The following EVA1C variants were observed in gnomAD, a reference collection of about 807,000 sequenced individuals.
EVA1C encodes eva-1 homolog C.
In EVA1C, 25 loss-of-function variants were observed where a neutral mutation model predicts 45.4. The ratio of observed to expected loss-of-function variants is 0.55; its 90% CI spans 0.40 to 0.77. The LOEUF (loss-of-function observed/expected upper bound fraction) is 0.77. Among genes scored for constraint, EVA1C ranks in the 30% least tolerant of loss-of-function variants. EVA1C has a pLI of 0.00. For missense variants in EVA1C, 479 were observed against 554.8 expected (o/e 0.86, Z 1.37); for synonymous variants, 190 against 221.2 (o/e 0.86, Z 1.25).
At chr21:32,504,320 C>T (rs781619560) in intron 7 of EVA1C, among the ~76,000 whole-genome samples, 2 of 152,124 alleles carry the variant, frequency 1.3e-5, no homozygotes, top group Non-Finnish European at 2.9e-5. Flanking sequence ...CTCTAAAATT[C>T]GGGAAGGAAC....
Position 32,514,919 on chromosome 21 carries a change from G to C in EVA1C, c.1055G>C (p.Arg352Pro), listed in dbSNP as rs756215760. ...AGAGAGTCCTGTGCCAAGGACTTCCGCGACTTGCAGCTGGGGAGGGAGCAG... is the reference window on the plus strand; with the variant it reads ...AGAGAGTCCTGTGCCAAGGACTTCCCCGACTTGCAGCTGGGGAGGGAGCAG... The part of the protein sequence containing the change: ...VIRESCAKDF[R>P]DLQLGREQLV... The change falls in exon 8 of 8, where the codon CGC becomes CCC. Residue 352 changes from arginine to proline, a missense_variant. By Grantham distance (103) the Arg-to-Pro change is moderately radical. Coordinates refer to ENST00000300255, the MANE Select transcript of EVA1C (RefSeq NM_058187.5). 1 of 1,614,122 alleles carries C rather than the reference G, an allele frequency of 6.2e-7. No homozygotes were observed. The highest frequency in any genetic ancestry group is 2.2e-5 in the East Asian group (1 of 44,886).
intron 4 of EVA1C, among the ~76,000 whole-genome samples, chr21:32,475,028 G>A (rs2036505327): frequency 6.6e-6 from 1 of 152,182 alleles, no homozygotes; most frequent in South Asian, 2.1e-4. Context: ...CTAGAAGCTG[G>A]CAGGAGTTTG....
chr21:32,414,846 T>C (rs1465798410), intron 1 of EVA1C, among the ~76,000 whole-genome samples: 1 of 152,152 alleles, frequency 6.6e-6, no homozygotes, highest in African/African-American at 2.4e-5. Flanking sequence ...TCCAGAGATC[T>C]GAAGATTAGG....
At chr21:32,434,725 TG>T (rs1346103273) in intron 1 of EVA1C, among the ~76,000 whole-genome samples, 2 of 152,268 alleles carry the variant, frequency 1.3e-5, no homozygotes, top group African/African-American at 4.8e-5. Context: ...GGACTTATGC[TG>T]CCACAAGCTA....
At chr21:32,486,695 A>G in intron 4 of EVA1C, among the ~76,000 whole-genome samples, 1 of 152,214 alleles carries the variant, frequency 6.6e-6, no homozygotes, top group East Asian at 1.9e-4. Flanking sequence ...TATATTTGAC[A>G]TACTCAAAAT....
At chr21:32,477,475 C>T (rs7275938) in intron 4 of EVA1C, among the ~76,000 whole-genome samples, 165 of 152,214 alleles carry the variant, frequency 1.1e-3, no homozygotes, top group African/African-American at 3.7e-3. Context: ...CTTGCTCAGT[C>T]TCACGGGGTT....
At chr21:32,448,679 C>T (rs756909692) in intron 1 of EVA1C, among the ~76,000 whole-genome samples, 13 of 152,100 alleles carry the variant, frequency 8.5e-5, no homozygotes, top group South Asian at 2.1e-4. Flanking sequence ...GAGGCTGAGG[C>T]GGGCAGATCA....
chr21:32,423,019 C>T (rs2034342274), intron 1 of EVA1C, among the ~76,000 whole-genome samples: 1 of 124,976 alleles, frequency 8.0e-6, no homozygotes, highest in East Asian at 2.5e-4. Flanking sequence ...TGCAGTGAGC[C>T]AAGATCATGC....
chr21:32,481,792 C>T (rs1187404015), intron 4 of EVA1C, among the ~76,000 whole-genome samples: 1 of 151,974 alleles, frequency 6.6e-6, no homozygotes, highest in Non-Finnish European at 1.5e-5. Context: ...AATAAAACAC[C>T]TTTTTTCAAC....
intron 7 of EVA1C, among the ~76,000 whole-genome samples, chr21:32,512,525 T>C (rs932074283): frequency 2.6e-5 from 4 of 152,134 alleles, no homozygotes; most frequent in Non-Finnish European, 5.9e-5. Flanking sequence ...CCCTACTCTG[T>C]CTGCCCTGGG....
rs1278024032 is a variant in EVA1C at position 32,452,026 on chromosome 21, T to G, written c.161-1286T>G. 6.6e-6 allele frequency among the ~76,000 whole-genome samples: 1 copy of G among 152,166 alleles called. No homozygotes were observed. Among genetic ancestry groups the G allele is most frequent in the Non-Finnish European group, 1.5e-5 (1 of 68,024 alleles). ...TCTACGCAGGGCACCCTGCCTGTCT[T>G]TCCTCTCCAGCAGCAAGACAGAGCC... On this transcript the variant is annotated intron_variant, in intron 1 of 7. Transcript: ENST00000300255. This position sits in a 1 kb window ranked among gnomAD's most constrained non-coding sequence, Gnocchi z 4.0.
At position 32,515,150 on chromosome 21, in the gene EVA1C, TG is replaced by T. The variant is rs1409152366; in HGVS notation, c.1288del (p.Asp430ThrfsTer43). 6.2e-7 allele frequency: 1 copy of T among 1,605,614 alleles called. No homozygotes were observed. The highest frequency in any genetic ancestry group is 2.2e-5 in the East Asian group (1 of 44,666). ...IIQEIWMNSG[L>X]DTSLPRNMGQ... Reference sequence around the variant, plus strand: ...CAGGAAATATGGATGAACAGTGGTTTGGACACCTCGCTCCCAAGAAACATGG... The same window carrying T: ...CAGGAAATATGGATGAACAGTGGTTTGACACCTCGCTCCCAAGAAACATGG... On this transcript the variant is annotated frameshift_variant, in exon 8 of 8. Transcript: ENST00000300255. LOFTEE classifies it high-confidence loss of function.
At chr21:32,467,905 A>AATATAGAT in intron 4 of EVA1C, 57 bp downstream of exon 4, 1 of 983,706 alleles carries the variant, frequency 1.0e-6, no homozygotes, top group Admixed American at 3.8e-5. Context: ...GAATTAATAG[A>AATATAGAT]ATATATATAT....
intron 1 of EVA1C, among the ~76,000 whole-genome samples, chr21:32,417,725 G>A (rs1229293317): frequency 6.6e-6 from 1 of 152,168 alleles, no homozygotes; most frequent in Non-Finnish European, 1.5e-5. Context: ...GGACACAGTT[G>A]TTCATTTTGG....
chr21:32,431,750 C>A (rs1334348323), intron 1 of EVA1C, among the ~76,000 whole-genome samples: 2 of 152,160 alleles, frequency 1.3e-5, no homozygotes, highest in African/African-American at 4.8e-5. Flanking sequence ...ACCATTTTAC[C>A]CCATTTGCTT....
Position 32,445,725 on chromosome 21 carries a change from T to C in EVA1C, c.161-7587T>C, listed in dbSNP as rs111482419. Among the ~76,000 whole-genome samples the C allele has an allele frequency of 5.8e-3, 884 of 152,330 alleles. 13 individuals are homozygous for C. Among genetic ancestry groups the C allele is most frequent in the African/African-American group, 0.02 (845 of 41,576 alleles). ...CTTAGGGGTTCATGTCGTGAACTCTTCATCTGTATTCAAAAAATGAAAACC... is the reference window on the plus strand; with the variant it reads ...CTTAGGGGTTCATGTCGTGAACTCTCCATCTGTATTCAAAAAATGAAAACC... On this transcript the variant is annotated intron_variant, in intron 1 of 7. Transcript: ENST00000300255.
chr21:32,480,616 C>T (rs1248545731), intron 4 of EVA1C, among the ~76,000 whole-genome samples: 1 of 152,128 alleles, frequency 6.6e-6, no homozygotes, highest in Non-Finnish European at 1.5e-5. Context: ...TGCAGTGAAC[C>T]GTGTCTGCGC....
At chr21:32,428,985 T>C (rs1394770164) in intron 1 of EVA1C, among the ~76,000 whole-genome samples, 5 of 152,218 alleles carry the variant, frequency 3.3e-5, no homozygotes, top group Admixed American at 2.0e-4. Flanking sequence ...GATTCTATTT[T>C]GCATGCTCAA....
intron 6 of EVA1C, among the ~76,000 whole-genome samples, chr21:32,502,160 C>T (rs559368002): frequency 1.3e-4 from 20 of 151,626 alleles, no homozygotes; most frequent in African/African-American, 3.4e-4. Flanking sequence ...AGTGCAATGG[C>T]GCAATCTCCA....
Sources: allele counts gnomAD v4.1 joint callset (sites outside exome capture counted in the v4.1 genomes callset), GRCh38; gene constraint gnomAD v4.1.1; non-coding constraint Gnocchi (gnomAD v3.1); transcripts MANE v1.5; gene names NCBI Gene and HGNC (gene_info 2026-07-23, HGNC 2026-07-21).